Variants in MARCHF1 observed in about 807,000 individuals in gnomAD.
The protein encoded by MARCHF1 is membrane associated ring-CH-type finger 1, also known as E3 ubiquitin-protein ligase MARCHF1.
A neutral mutation model predicts 54.2 loss-of-function variants in MARCHF1; 40 were observed. The ratio of observed to expected loss-of-function variants is 0.74; its 90% CI spans 0.57 to 0.96. The LOEUF (loss-of-function observed/expected upper bound fraction) is 0.96. MARCHF1 is among the 40% of genes least tolerant of loss of function. The pLI is 0.00. For synonymous variants in MARCHF1, 236 were observed against 236.3 expected (o/e 1.00, Z 0.01); for missense variants, 586 against 656.5 (o/e 0.89, Z 1.17).
At chr4:163,952,214 T>C (rs1390159555) in intron 3 of MARCHF1, among the ~76,000 whole-genome samples, 2 of 152,218 alleles carry the variant, frequency 1.3e-5, no homozygotes, top group African/African-American at 2.4e-5. Context: ...GTATAGTAGA[T>C]GTCATCTATG....
intron 3 of MARCHF1, among the ~76,000 whole-genome samples, chr4:163,982,415 G>A (rs1752781416): frequency 6.6e-6 from 1 of 152,180 alleles, no homozygotes; most frequent in Non-Finnish European, 1.5e-5. Flanking sequence ...AAAAATTAAT[G>A]TTTGTGATTG....
At chr4:164,079,553 A>T (rs1755052302) in intron 2 of MARCHF1, among the ~76,000 whole-genome samples, 2 of 152,180 alleles carry the variant, frequency 1.3e-5, no homozygotes. Flanking sequence ...TACCTAAAAA[A>T]TATACTAGAA....
intron 1 of MARCHF1, among the ~76,000 whole-genome samples, chr4:164,144,326 A>G (rs1210364381): frequency 6.6e-6 from 1 of 151,898 alleles, no homozygotes; most frequent in Non-Finnish European, 1.5e-5. Context: ...GGGACCTAAT[A>G]GACATCTACA....
chr4:164,224,354 T>C (rs1330093970), intron 1 of MARCHF1, among the ~76,000 whole-genome samples: 1 of 151,962 alleles, frequency 6.6e-6, no homozygotes, highest in African/African-American at 2.4e-5. Context: ...GCCAAAAAAT[T>C]GGACATCCCT....
At chr4:164,197,341 A>G in intron 1 of MARCHF1, 1 of 1,612,596 alleles carries the variant, frequency 6.2e-7, no homozygotes, top group Non-Finnish European at 8.5e-7. Context: ...GTAGTCGTTC[A>G]GGTTGGTTAC....
At chr4:164,280,047 A>G (rs1214653298) in intron 1 of MARCHF1, among the ~76,000 whole-genome samples, 1 of 151,840 alleles carries the variant, frequency 6.6e-6, no homozygotes, top group African/African-American at 2.4e-5. Flanking sequence ...ATTTTTTTCA[A>G]TATGTGGCAA....
intron 5 of MARCHF1, among the ~76,000 whole-genome samples, chr4:163,637,776 A>C (rs1224729837): frequency 6.6e-6 from 1 of 152,022 alleles, no homozygotes; most frequent in Non-Finnish European, 1.5e-5. Flanking sequence ...TCATGCTGCT[A>C]TAAAGACACA....
At chr4:163,631,393 G>A (rs148283418) in intron 5 of MARCHF1, among the ~76,000 whole-genome samples, 2,197 of 152,074 alleles carry the variant, frequency 0.014, 58 homozygotes, top group African/African-American at 0.049. Context: ...GGCTTTCACC[G>A]TGTTGGCCAG....
chr4:164,305,169 CA>C (rs1395518228), intron 1 of MARCHF1, among the ~76,000 whole-genome samples: 1 of 152,062 alleles, frequency 6.6e-6, no homozygotes, highest in African/African-American at 2.4e-5. Flanking sequence ...AAGTGACCCC[CA>C]AAATGGCAAA....
At chr4:163,747,584 A>T (rs1746398497) in intron 4 of MARCHF1, among the ~76,000 whole-genome samples, 1 of 152,240 alleles carries the variant, frequency 6.6e-6, no homozygotes, top group African/African-American at 2.4e-5. Flanking sequence ...TGAATATATA[A>T]GTCAAGAAGG....
intron 1 of MARCHF1, among the ~76,000 whole-genome samples, chr4:164,118,213 G>T (rs946590546): frequency 1.3e-5 from 2 of 151,406 alleles, no homozygotes; most frequent in Non-Finnish European, 2.9e-5. Context: ...TTTTTATATG[G>T]AAAACATTAA....
intron 3 of MARCHF1, among the ~76,000 whole-genome samples, chr4:163,899,542 G>T (rs892774223): frequency 2.6e-5 from 4 of 151,920 alleles, no homozygotes; most frequent in African/African-American, 4.8e-5. Flanking sequence ...TGTGTCCTCA[G>T]ATCTCTTCTT....
intron 1 of MARCHF1, among the ~76,000 whole-genome samples, chr4:164,198,325 A>G (rs1354395000): frequency 4.6e-5 from 7 of 152,262 alleles, no homozygotes; most frequent in Admixed American, 4.6e-4. Context: ...ACCTAAAACC[A>G]AAGTATCTAA....
At chr4:163,809,220 T>A (rs1263686790) in intron 4 of MARCHF1, among the ~76,000 whole-genome samples, 5 of 152,130 alleles carry the variant, frequency 3.3e-5, no homozygotes, top group Non-Finnish European at 5.9e-5. Flanking sequence ...TAAACAAGGG[T>A]CATAATTTGT....
At chr4:164,200,384 T>C (rs72987753) in intron 1 of MARCHF1, among the ~76,000 whole-genome samples, 1,884 of 152,324 alleles carry the variant, frequency 0.012, 41 homozygotes, top group African/African-American at 0.044. Context: ...TACCCTCTAA[T>C]ATATTGTGCT....
At chr4:163,708,944 T>G (rs1186651199) in intron 4 of MARCHF1, among the ~76,000 whole-genome samples, 2 of 152,172 alleles carry the variant, frequency 1.3e-5, no homozygotes, top group Non-Finnish European at 2.9e-5. Flanking sequence ...TATATCTTTC[T>G]CTACTGGTAA....
At chr4:163,858,895 A>G (rs924050224) in intron 3 of MARCHF1, among the ~76,000 whole-genome samples, 49 of 152,178 alleles carry the variant, frequency 3.2e-4, no homozygotes, top group African/African-American at 8.7e-4. Flanking sequence ...CTGCAAGAAC[A>G]GATTACTGTA....
At chr4:164,329,472 T>C (rs1735369117) in intron 1 of MARCHF1, among the ~76,000 whole-genome samples, 1 of 152,212 alleles carries the variant, frequency 6.6e-6, no homozygotes, top group Non-Finnish European at 1.5e-5. Flanking sequence ...ATATCAATGC[T>C]CAAATTACAA....
At chr4:163,619,259 C>T (rs1342502130) in intron 5 of MARCHF1, among the ~76,000 whole-genome samples, 1 of 152,074 alleles carries the variant, frequency 6.6e-6, no homozygotes, top group African/African-American at 2.4e-5. Flanking sequence ...ATTTTGGCAG[C>T]TGAGAATTGG....
Sources: allele counts gnomAD v4.1 joint callset (sites outside exome capture counted in the v4.1 genomes callset), GRCh38; gene constraint gnomAD v4.1.1; transcripts MANE v1.5; gene names NCBI Gene and HGNC (gene_info 2026-07-23, HGNC 2026-07-21).